TMEM232: variants seen among roughly 807,000 people sequenced by gnomAD.
TMEM232 encodes the protein transmembrane protein 232.
Under a neutral mutation model 78.8 loss-of-function variants are expected in TMEM232, and 80 were observed. The observed-to-expected ratio is 1.01, with a 90% CI of 0.85 to 1.22. TMEM232 has a LOEUF of 1.22. TMEM232 is among the 50% of genes most tolerant of loss of function. TMEM232 has a pLI of 0.00. For missense variants in TMEM232, 881 were observed against 742.2 expected, an observed-to-expected ratio of 1.19 and a Z score of -2.17; for synonymous variants, 297 against 254.3, an observed-to-expected ratio of 1.17 and a Z score of -1.60.
In TMEM232 at chr5:110,424,792, T is replaced by C. The variant is rs1580618322; in HGVS notation, c.1797+31A>G. 6 of 1,481,682 alleles carry C rather than the reference T, an allele frequency of 4.0e-6. No individual in the cohort carries two copies. In the East Asian group the frequency reaches 1.5e-4, roughly 37 times the overall value. 91.8% of individuals were successfully genotyped at this position (1,481,682 alleles called of 1,614,324 possible). A position where few individuals can be genotyped will look rare whatever the true frequency, so the allele number is the denominator to read the frequency against. On this transcript the variant is annotated intron_variant, in intron 13 of 13. Transcript: ENST00000455884. ...AAAGTGCTTTTAAGGAACAAAGCTT[T>C]TGCTGCTAGTTAAAAAAAAATCAAT...
At chr5:110,467,581 A>G (rs1033699394) in intron 12 of TMEM232, among the ~76,000 whole-genome samples, 3 of 152,248 alleles carry the variant, frequency 2.0e-5, no homozygotes, top group African/African-American at 7.2e-5. Flanking sequence ...AAATATTTCA[A>G]AAAGCTTTGC....
At chr5:110,677,946 T>G (rs192644888) in intron 1 of TMEM232, among the ~76,000 whole-genome samples, 9 of 152,244 alleles carry the variant, frequency 5.9e-5, no homozygotes, top group African/African-American at 1.9e-4. Flanking sequence ...CAATCCAAAT[T>G]GGATAAAATT....
At chr5:110,444,335 C>T (rs533469345) in intron 12 of TMEM232, among the ~76,000 whole-genome samples, 4 of 152,224 alleles carry the variant, frequency 2.6e-5, no homozygotes, top group South Asian at 2.1e-4. Context: ...TGACTTTGCT[C>T]TCCACTGTGA....
Position 110,563,828 on chromosome 5 carries a change from C to A in TMEM232, c.1455+4619G>T, listed in dbSNP as rs148611724. 2.0e-5 allele frequency among the ~76,000 whole-genome samples: 3 copies of A among 151,972 alleles called. No individual in the cohort carries two copies. In the East Asian group the frequency reaches 5.8e-4, roughly 29 times the overall value. On this transcript the variant is annotated intron_variant, in intron 11 of 13. Coordinates refer to ENST00000455884, the MANE Select transcript of TMEM232 (RefSeq NM_001039763.4). ...AAGCTGAAGCACAGTTGCATAAAAGCACGTCCATGAAATTCAAGACAATAT... is the reference window on the plus strand; with the variant it reads ...AAGCTGAAGCACAGTTGCATAAAAGAACGTCCATGAAATTCAAGACAATAT...
downstream of TMEM232, among the ~76,000 whole-genome samples, chr5:110,416,323 A>T (rs992553418): frequency 6.6e-6 from 1 of 152,170 alleles, no homozygotes; most frequent in African/African-American, 2.4e-5. Context: ...TCATGACTCT[A>T]CCTTCCTTTG....
chr5:110,431,280 A>G lies in TMEM232; in HGVS notation c.1704-6364T>C, dbSNP rs146611229. On this transcript the variant is annotated intron_variant, in intron 12 of 13. Coordinates refer to ENST00000455884, the MANE Select transcript of TMEM232 (RefSeq NM_001039763.4). ...CAGTTTCTGAAAATTTGGGGCTCAA[A>G]TCTACAAAACGAGAGAGGCCTTGAT... Among the ~76,000 whole-genome samples, 247 of 151,740 alleles carry G rather than the reference A, an allele frequency of 1.6e-3. 1 individual carries two copies. The highest frequency in any genetic ancestry group is 5.2e-3 in the African/African-American group (215 of 41,478).
At chr5:110,727,822 G>T (rs1322382912), upstream of TMEM232, among the ~76,000 whole-genome samples, 1 of 152,118 alleles carries the variant, frequency 6.6e-6, no homozygotes, top group Non-Finnish European at 1.5e-5. Flanking sequence ...AGATCAGTAA[G>T]TTAAAGGTAA....
At chr5:110,655,101 A>G (rs1447678706) in intron 2 of TMEM232, among the ~76,000 whole-genome samples, 1 of 152,112 alleles carries the variant, frequency 6.6e-6, no homozygotes, top group African/African-American at 2.4e-5. Flanking sequence ...AGAAACTACC[A>G]TCAGAGTGAA....
At chr5:110,653,601 T>C (rs1788627670) in intron 2 of TMEM232, among the ~76,000 whole-genome samples, 1 of 152,072 alleles carries the variant, frequency 6.6e-6, no homozygotes, top group African/African-American at 2.4e-5. Context: ...TCAAGCTAAA[T>C]CAAGTTAAAA....
Position 110,532,319 on chromosome 5 carries a change from G to A in TMEM232, c.1456-3484C>T, listed in dbSNP as rs1034468739. ...CTCGGCTTAGCGGCTGAAGACTGAC[G>A]CTGCCCGATCGCCTCAGAAGCCCCC... On this transcript the variant is annotated intron_variant, in intron 11 of 13. Coordinates refer to ENST00000455884, the MANE Select transcript of TMEM232 (RefSeq NM_001039763.4). 2.1e-4 allele frequency among the ~76,000 whole-genome samples: 32 copies of A among 150,616 alleles called. 1 individual carries two copies. The highest frequency in any genetic ancestry group is 2.8e-4 in the Non-Finnish European group (19 of 67,674).
At chr5:110,582,076 C>T (rs1778269918) in intron 10 of TMEM232, among the ~76,000 whole-genome samples, 1 of 151,958 alleles carries the variant, frequency 6.6e-6, no homozygotes, top group Non-Finnish European at 1.5e-5. Context: ...TAAATTAGTT[C>T]AGCCACAGTG....
intron 12 of TMEM232, among the ~76,000 whole-genome samples, chr5:110,453,827 CAA>C (rs556583793): frequency 2.8e-4 from 33 of 116,902 alleles, no homozygotes; most frequent in Admixed American, 4.3e-4. Flanking sequence ...ATTCCAGGAG[CAA>C]AAAAAAAAAA....
At position 110,419,749 on chromosome 5, in the gene TMEM232, C is replaced by T. The variant is rs1172147238; in HGVS notation, c.*831G>A. ...TATCACCAAGTCATCTGTGTGAAAT[C>T]GAGGTATGAGTATTATCTATATTTT... On this transcript the variant is annotated 3_prime_UTR_variant, in exon 14 of 14. Coordinates refer to ENST00000455884, the MANE Select transcript of TMEM232 (RefSeq NM_001039763.4). Among the ~76,000 whole-genome samples, 5 of 151,980 alleles carry T rather than the reference C, an allele frequency of 3.3e-5. No individual in the cohort carries two copies. The highest frequency in any genetic ancestry group is 9.7e-5 in the African/African-American group (4 of 41,396).
intron 3 of TMEM232, 47 bp from the exon 4 acceptor site, chr5:110,641,043 T>A (rs995375636): frequency 6.8e-5 from 80 of 1,176,592 alleles, no homozygotes; most frequent in South Asian, 2.7e-4. Flanking sequence ...GTACATATTT[T>A]TATATATATA....
At chr5:110,476,660 T>C (rs1763288735) in intron 12 of TMEM232, among the ~76,000 whole-genome samples, 1 of 152,150 alleles carries the variant, frequency 6.6e-6, no homozygotes, top group South Asian at 2.1e-4. Context: ...TGACAGTGGA[T>C]TGCCTATGAA....
intron 2 of TMEM232, among the ~76,000 whole-genome samples, chr5:110,666,336 T>C (rs1382970809): frequency 6.6e-6 from 1 of 152,220 alleles, no homozygotes; most frequent in East Asian, 1.9e-4. Context: ...ATTTTTTTCT[T>C]TTAAACATTT....
intron 12 of TMEM232, among the ~76,000 whole-genome samples, chr5:110,519,897 T>G (rs1424394996): frequency 1.3e-5 from 2 of 150,860 alleles, no homozygotes; most frequent in Non-Finnish European, 3.0e-5. Flanking sequence ...ATGTTCTCAT[T>G]CATATTCAGA....
At chr5:110,648,094 G>A (rs1270526987) in intron 2 of TMEM232, among the ~76,000 whole-genome samples, 1 of 151,900 alleles carries the variant, frequency 6.6e-6, no homozygotes, top group Non-Finnish European at 1.5e-5. Flanking sequence ...GAAACATGGA[G>A]AAAAGCCTTA....
At position 110,426,243 on chromosome 5, in the gene TMEM232, A is replaced by C. The variant is rs112547542; in HGVS notation, c.1704-1327T>G. ...CATGGATATTTTCTTCCTTATACTT[A>C]CTTCAAGTTGTAATTTTACATTTAT... On this transcript the variant is annotated intron_variant, in intron 12 of 13. Transcript: ENST00000455884. Among the ~76,000 whole-genome samples the C allele has an allele frequency of 6.3e-3, 961 of 151,928 alleles. 12 individuals are homozygous for C. Among genetic ancestry groups the C allele is most frequent in the African/African-American group, 0.022 (896 of 41,444 alleles).
Sources: gnomAD v4.1 joint callset for allele counts (sites outside exome capture counted in the v4.1 genomes callset) on GRCh38, gnomAD v4.1.1 for gene constraint, MANE v1.5 for transcripts, NCBI Gene and HGNC (gene_info 2026-07-23, HGNC 2026-07-21) for gene names.